DENND2A: variants seen among roughly 807,000 people sequenced by gnomAD.
DENND2A encodes the protein DENN domain-containing protein 2A.
A neutral mutation model predicts 105.3 loss-of-function variants in DENND2A; 53 were observed. That is an observed-to-expected ratio of 0.50 (90% CI 0.40 to 0.63). The LOEUF is 0.63. Ranked by LOEUF, DENND2A falls within the 30% of genes least tolerant of loss-of-function variation. The probability of loss-of-function intolerance (pLI) is 0.00; values close to 1 mark genes in which losing one functional copy is unlikely to be tolerated. For synonymous variants in DENND2A, 522 were observed against 508.4 expected, an observed-to-expected ratio of 1.03 and a Z score of -0.36; for missense variants, 1,138 against 1,279.6, an observed-to-expected ratio of 0.89 and a Z score of 1.69.
chr7:140,547,045 G>A, intron 12 of DENND2A, 106 bp from the exon 13 acceptor site: 1 of 1,437,014 alleles, frequency 7.0e-7, no homozygotes, highest in Non-Finnish European at 9.4e-7. Context: ...GAATTATGGG[G>A]AAGCCCTGCT....
At chr7:140,584,713 A>T (rs1193124777) in intron 5 of DENND2A, among the ~76,000 whole-genome samples, 2 of 152,062 alleles carry the variant, frequency 1.3e-5, no homozygotes, top group Non-Finnish European at 2.9e-5. Context: ...GTCCTCAGTT[A>T]CTCATGCTTG....
At chr7:140,580,737 A>G (rs1202625885) in intron 5 of DENND2A, among the ~76,000 whole-genome samples, 3 of 152,032 alleles carry the variant, frequency 2.0e-5, no homozygotes, top group Non-Finnish European at 4.4e-5. Context: ...CCCAGGTTCA[A>G]GAGATTCTCC....
At chr7:140,558,871 C>T (rs1200981582) in intron 10 of DENND2A, among the ~76,000 whole-genome samples, 25 of 146,236 alleles carry the variant, frequency 1.7e-4, no homozygotes, top group Non-Finnish European at 4.5e-5. Flanking sequence ...GGTGTGATCT[C>T]GGCTCACCAC....
chr7:140,522,066 AG>A lies in DENND2A; in HGVS notation c.2699del (p.Ser900LeufsTer19). On this transcript the variant is annotated frameshift_variant, in exon 18 of 20. Coordinates refer to ENST00000496613, the MANE Select transcript of DENND2A (RefSeq NM_015689.5). LOFTEE classifies it high-confidence loss of function. ...PESSPLNEVV[S>X]EAFVRFFVEI... ...CCACGAAGAAGCGGACAAAGGCTTC[AG>A]ACACCACCTCGTTCAAGGGGCTGGA... The A allele has an allele frequency of 1.2e-6, 2 of 1,614,208 alleles. No homozygotes were observed. Among genetic ancestry groups the A allele is most frequent in the Non-Finnish European group, 1.7e-6 (2 of 1,180,036 alleles).
rs1796092182 is a variant in DENND2A, at chr7:140,527,323, C to T, written c.2500G>A (p.Glu834Lys). 6.3e-7 allele frequency: 1 copy of T among 1,582,464 alleles called. No individual in the cohort carries two copies. Among genetic ancestry groups the T allele is most frequent in the Non-Finnish European group, 8.6e-7 (1 of 1,165,788 alleles). The change falls in exon 15 of 20, where the codon GAA (glutamate) becomes AAA (lysine). Residue 834 changes from glutamate (E) to lysine (K), a missense_variant. By Grantham distance (56) the Glu-to-Lys change is moderately conservative (BLOSUM62 1). This residue lies in a region of DENND2A where 627 missense variants were observed against 779.8 expected (regional missense o/e 0.80). Transcript: ENST00000496613. The surrounding 1 kb of genome is among the most constrained non-coding windows in gnomAD (Gnocchi z 4.9). ...AGGGCTGAGTGGGAGCTCACCTCTTCCAGCGGCAGCTCCCTGAGCAGTGGC... is the reference window on the plus strand; with the variant it reads ...AGGGCTGAGTGGGAGCTCACCTCTTTCAGCGGCAGCTCCCTGAGCAGTGGC... ...SLPLLRELPL[E>K]EVLVVDLVNS...
rs35563637 is a variant in DENND2A at position 140,636,684 on chromosome 7, CTTT to C, written c.-248+3817_-248+3819del. On this transcript the variant is annotated intron_variant, in intron 1 of 19. Coordinates refer to ENST00000496613, the MANE Select transcript of DENND2A (RefSeq NM_015689.5). ...GTTGTTTTGAATCTCCCTCCCCAGC[CTTT>C]TTTTTTTTTTTTTTTTTTTTGGACA... is the stretch of plus-strand genomic sequence containing the variant. Among the ~76,000 whole-genome samples the C allele has an allele frequency of 5.3e-4, 52 of 98,358 alleles. 1 individual carries two copies. The South Asian group carries it at 0.016, about 30-fold the overall frequency. 64.5% of individuals were successfully genotyped at this position (98,358 alleles called of 152,430 possible). A position where few individuals can be genotyped will look rare whatever the true frequency, so the allele number is the denominator to read the frequency against.
chr7:140,629,296 G>A (rs1050324373), intron 1 of DENND2A, among the ~76,000 whole-genome samples: 13 of 152,164 alleles, frequency 8.5e-5, no homozygotes, highest in African/African-American at 3.1e-4. Context: ...GAAATTTGGA[G>A]GAGGACAACG....
At chr7:140,541,650 T>C (rs1222360710) in intron 14 of DENND2A, among the ~76,000 whole-genome samples, 1 of 152,198 alleles carries the variant, frequency 6.6e-6, no homozygotes, top group Admixed American at 6.5e-5. Context: ...GCTCCAACCT[T>C]GAGAACTCCC....
intron 12 of DENND2A, among the ~76,000 whole-genome samples, chr7:140,554,211 C>T (rs558962150): frequency 2.7e-4 from 41 of 149,524 alleles, no homozygotes; most frequent in Non-Finnish European, 5.3e-4. Flanking sequence ...GGCGACAGAA[C>T]GAGACTCCGT....
chr7:140,580,977 T>C (rs1046738798), intron 5 of DENND2A, among the ~76,000 whole-genome samples: 4 of 151,126 alleles, frequency 2.6e-5, no homozygotes, highest in Non-Finnish European at 4.4e-5. Flanking sequence ...TATTCAAAAG[T>C]ATAGGCCAGG....
Position 140,559,602 on chromosome 7 carries a change from G to T in DENND2A, c.1889+106C>A. 2.5e-6 allele frequency: 2 copies of T among 804,414 alleles called. No homozygotes were observed. The highest frequency in any genetic ancestry group is 1.6e-5 in the South Asian group (1 of 61,914). The allele number at this position is 804,414 out of a possible 1,614,324, so 49.8% of individuals were successfully genotyped here. A position where few individuals can be genotyped will look rare whatever the true frequency, so the allele number is the denominator to read the frequency against. On this transcript the variant is annotated intron_variant, in intron 10 of 19. Transcript: ENST00000496613. The surrounding 1 kb of genome is among the most constrained non-coding windows in gnomAD (Gnocchi z 4.1). ...GGAAAGCTCTAGGCCAGGCCCATCA[G>T]GATTACTTAACGGTGGGAATGACTC...
intron 14 of DENND2A, among the ~76,000 whole-genome samples, chr7:140,536,883 G>A (rs1401792737): frequency 1.3e-5 from 2 of 151,702 alleles, no homozygotes; most frequent in Non-Finnish European, 2.9e-5. Context: ...GGCTGGTCTC[G>A]AATTCCTGAC....
At chr7:140,557,634 G>T (rs1348472924) in intron 11 of DENND2A, among the ~76,000 whole-genome samples, 1 of 133,988 alleles carries the variant, frequency 7.5e-6, no homozygotes, top group East Asian at 2.5e-4. Flanking sequence ...CCGCCTCCCG[G>T]GTTCACGCCA....
At chr7:140,615,560 C>T (rs56942922) in intron 1 of DENND2A, among the ~76,000 whole-genome samples, 18,225 of 148,928 alleles carry the variant, frequency 0.12, 3,089 homozygotes, top group African/African-American at 0.39. Context: ...TTTTTTGAGA[C>T]GGAGCCTCGC....
Position 140,523,264 on chromosome 7 carries a change from G to T in DENND2A, c.2665+43C>A. On this transcript the variant is annotated intron_variant, in intron 17 of 19. Coordinates refer to ENST00000496613, the MANE Select transcript of DENND2A (RefSeq NM_015689.5). The surrounding 1 kb of genome is among the most constrained non-coding windows in gnomAD (Gnocchi z 4.5). ...CTGCCCATTTGTTCCCTGACCCTCA[G>T]AGTGGAAGGGAGAGACCCACTGGGA... 6.3e-7 allele frequency: 1 copy of T among 1,589,470 alleles called. No individual in the cohort carries two copies. The highest frequency in any genetic ancestry group is 8.6e-7 in the Non-Finnish European group (1 of 1,157,590).
chr7:140,590,096 A>G (rs957475753), intron 3 of DENND2A, among the ~76,000 whole-genome samples: 1 of 152,306 alleles, frequency 6.6e-6, no homozygotes, highest in Non-Finnish European at 1.5e-5. Flanking sequence ...TATTTAAAGC[A>G]CATGTAATGC....
chr7:140,610,541 T>C (rs775350436), intron 1 of DENND2A, among the ~76,000 whole-genome samples: 14 of 152,160 alleles, frequency 9.2e-5, no homozygotes, highest in Non-Finnish European at 1.8e-4. Flanking sequence ...TATATATATA[T>C]GTATATAATT....
Position 140,558,206 on chromosome 7 carries a change from T to A in DENND2A, c.1896A>T (p.Thr632=), listed in dbSNP as rs2130566355. ...CTTCTCCAGTTAAGACAAATGAGAA[T>A]GTTTCACTGTGGTTGGGAAAACACA... ...WVPVQQFTSE[T]FSFVLTGEDG... Residue 632 remains threonine, a synonymous_variant, in exon 11 of 20, where the codon ACA becomes ACT. Coordinates refer to ENST00000496613, the MANE Select transcript of DENND2A (RefSeq NM_015689.5). 6.2e-7 allele frequency: 1 copy of A among 1,612,756 alleles called. No individual in the cohort carries two copies. Among genetic ancestry groups the A allele is most frequent in the Non-Finnish European group, 8.5e-7 (1 of 1,178,874 alleles).
intron 1 of DENND2A, among the ~76,000 whole-genome samples, chr7:140,607,244 A>G (rs970900715): frequency 1.8e-4 from 27 of 152,236 alleles, no homozygotes; most frequent in African/African-American, 6.3e-4. Flanking sequence ...CTCCCGAGTA[A>G]TCAAAGGGCA....
Sources: allele counts gnomAD v4.1 joint callset (sites outside exome capture counted in the v4.1 genomes callset), GRCh38; gene constraint gnomAD v4.1.1; regional missense constraint gnomAD v4.1.1; non-coding constraint Gnocchi (gnomAD v3.1); transcripts MANE v1.5; gene names NCBI Gene and HGNC (gene_info 2026-07-23, HGNC 2026-07-21).